The following LARP1B variants were observed in gnomAD, a reference collection of about 807,000 sequenced individuals.
LARP1B encodes la-related protein 1B.
LARP1B carries 76 observed loss-of-function variants against 114.2 expected under a neutral mutation model. That is an observed-to-expected ratio of 0.67 (90% CI 0.55 to 0.81). LARP1B has a LOEUF of 0.81. Among genes scored for constraint, LARP1B ranks in the 30% least tolerant of loss-of-function variants. The pLI is 0.00. For synonymous variants in LARP1B, 345 were observed against 348.0 expected, an observed-to-expected ratio of 0.99 and a Z score of 0.10; for missense variants, 1,014 against 1,075.8, an observed-to-expected ratio of 0.94 and a Z score of 0.80.
At chr4:128,178,289 AT>A in intron 13 of LARP1B, 141 bp from the exon 14 acceptor site, 1 of 608,108 alleles carries the variant, frequency 1.6e-6, no homozygotes, top group Non-Finnish European at 2.8e-6. Context: ...TCAAAAAAGT[AT>A]TTGTTATTTT....
intron 11 of LARP1B, among the ~76,000 whole-genome samples, chr4:128,140,676 G>A (rs1727601163): frequency 1.3e-5 from 2 of 152,056 alleles, no homozygotes; most frequent in Admixed American, 1.3e-4. Context: ...CATTATTCTA[G>A]GAGACATATT....
intron 12 of LARP1B, among the ~76,000 whole-genome samples, chr4:128,174,649 C>T (rs1037091011): frequency 2.6e-5 from 4 of 151,974 alleles, no homozygotes; most frequent in Admixed American, 1.3e-4. Flanking sequence ...AATGAAATCC[C>T]CATGTATCCA....
intron 10 of LARP1B, among the ~76,000 whole-genome samples, chr4:128,119,136 C>T (rs953324679): frequency 1.3e-4 from 20 of 152,224 alleles, no homozygotes; most frequent in South Asian, 4.1e-4. Flanking sequence ...CCACCTGCCT[C>T]GGCCTCCCAA....
chr4:128,079,023 A>T (rs1364678175), intron 4 of LARP1B, among the ~76,000 whole-genome samples: 1 of 152,148 alleles, frequency 6.6e-6, no homozygotes, highest in East Asian at 1.9e-4. Flanking sequence ...ATTTAATGGT[A>T]AAGTTGTTGC....
chr4:128,065,191 G>A (rs969120439), intron 1 of LARP1B, among the ~76,000 whole-genome samples: 11 of 151,284 alleles, frequency 7.3e-5, no homozygotes, highest in Admixed American at 5.3e-4. Context: ...TTTCAGACCT[G>A]GCATAGTGTA....
In LARP1B at chr4:128,155,646, G is replaced by A; in HGVS notation, c.1525-6548G>A. On this transcript the variant is annotated intron_variant, in intron 11 of 19. Coordinates refer to ENST00000326639, the MANE Select transcript of LARP1B (RefSeq NM_018078.4). Reference sequence around the variant, plus strand: ...CCCAGCCAGGAGCCATCCGGGCCCTGGGGCCGCCTCCAGTGGTGTGTCCAA... The same window carrying A: ...CCCAGCCAGGAGCCATCCGGGCCCTAGGGCCGCCTCCAGTGGTGTGTCCAA... 6 of 1,514,076 alleles carry A rather than the reference G, an allele frequency of 4.0e-6. No individual in the cohort carries two copies. In the South Asian group the frequency reaches 6.7e-5, roughly 17 times the overall value. 93.8% of individuals were successfully genotyped at this position (1,514,076 alleles called of 1,614,324 possible). A position where few individuals can be genotyped will look rare whatever the true frequency, so the allele number is the denominator to read the frequency against.
intron 10 of LARP1B, 27 bp downstream of exon 10, chr4:128,114,769 G>C: frequency 1.2e-6 from 2 of 1,606,394 alleles, no homozygotes; most frequent in Non-Finnish European, 8.5e-7. Flanking sequence ...TGAGTGAAGT[G>C]TGACATACCC....
At chr4:128,155,802 T>C (rs1394331066) in intron 11 of LARP1B, 1 of 1,590,188 alleles carries the variant, frequency 6.3e-7, no homozygotes, top group South Asian at 1.1e-5. Flanking sequence ...CGGAGACTGA[T>C]AAACTGGAAG....
At chr4:128,103,750 C>A (rs765167563) in intron 8 of LARP1B, among the ~76,000 whole-genome samples, 4 of 151,910 alleles carry the variant, frequency 2.6e-5, no homozygotes, top group African/African-American at 9.7e-5. Context: ...TTAGTAGAGA[C>A]GGGTTTTTGC....
In LARP1B at chr4:128,095,992, A is replaced by ATTT. The variant is rs71587360; in HGVS notation, c.669-2177_669-2175dup. Among the ~76,000 whole-genome samples, 61 of 125,340 alleles carry ATTT rather than the reference A, an allele frequency of 4.9e-4. 1 individual carries two copies. The highest frequency in any genetic ancestry group is 1.0e-3 in the Admixed American group (12 of 11,468). The allele number at this position is 125,340 out of a possible 152,430, so 82.2% of individuals were successfully genotyped here. A position where few individuals can be genotyped will look rare whatever the true frequency, so the allele number is the denominator to read the frequency against. ...CTCATTTACATATATGGAGGCTATA[A>ATTT]TTTTTTTTTTTTTTTTTTTGAGACG... On this transcript the variant is annotated intron_variant, in intron 7 of 19. Transcript: ENST00000326639.
chr4:128,098,682 G>A (rs950945525), intron 8 of LARP1B, among the ~76,000 whole-genome samples: 9 of 137,528 alleles, frequency 6.5e-5, no homozygotes, highest in South Asian at 2.4e-4. Flanking sequence ...AGAGTACAAC[G>A]GCGCAATCAA....
chr4:128,118,815 T>C (rs1404659372), intron 10 of LARP1B, among the ~76,000 whole-genome samples: 1 of 151,720 alleles, frequency 6.6e-6, no homozygotes, highest in Non-Finnish European at 1.5e-5. Flanking sequence ...TGCATGGTTT[T>C]CTTGTTTGAT....
intron 15 of LARP1B, among the ~76,000 whole-genome samples, chr4:128,183,713 C>T (rs1749356478): frequency 6.6e-6 from 1 of 152,192 alleles, no homozygotes; most frequent in South Asian, 2.1e-4. Context: ...ATAGCTGCCA[C>T]AGCTAGTCAT....
chr4:128,064,170 G>A (rs1761525073), intron 1 of LARP1B, among the ~76,000 whole-genome samples: 1 of 151,434 alleles, frequency 6.6e-6, no homozygotes, highest in East Asian at 1.9e-4. Context: ...TACTCAGGAG[G>A]TTGAGGCAGG....
intron 11 of LARP1B, among the ~76,000 whole-genome samples, chr4:128,131,730 C>G: frequency 6.6e-6 from 1 of 152,086 alleles, no homozygotes. Context: ...AAAAATAATA[C>G]ATAAATTAAA....
rs1041321625 is a variant in LARP1B, at chr4:128,209,903, T to C, written c.2595T>C (p.Ser865=). The C allele has an allele frequency of 6.2e-7, 1 of 1,613,990 alleles. No homozygotes were observed. The highest frequency in any genetic ancestry group is 1.7e-5 in the Admixed American group (1 of 60,012). ...GAAGAAAAAGACATTCCTCTACTTC[T>C]GGTGAGGAGAGTAATCGTCATAGAC... ...EFGRKRHSST[S]GEESNRHRLP... The change falls in exon 20 of 20, where the codon TCT becomes TCC. Residue 865 remains serine (S), a synonymous_variant. Coordinates refer to ENST00000326639, the MANE Select transcript of LARP1B (RefSeq NM_018078.4).
At chr4:128,124,238 G>T (rs1018574645) in intron 11 of LARP1B, among the ~76,000 whole-genome samples, 1 of 152,072 alleles carries the variant, frequency 6.6e-6, no homozygotes. Flanking sequence ...CCCACAATAA[G>T]TACTTAATCA....
At chr4:128,123,516 T>C in intron 11 of LARP1B, 1 of 459,412 alleles carries the variant, frequency 2.2e-6, no homozygotes, top group Non-Finnish European at 2.9e-6. Context: ...TATCATTATC[T>C]ATAATTCTAT....
intron 17 of LARP1B, among the ~76,000 whole-genome samples, chr4:128,204,730 C>G (rs1757076284): frequency 1.3e-5 from 2 of 151,806 alleles, no homozygotes; most frequent in South Asian, 4.2e-4. Context: ...GTTTGTAACT[C>G]AAAGGATAAA....
Sources: gnomAD v4.1 joint callset for allele counts (sites outside exome capture counted in the v4.1 genomes callset) on GRCh38, gnomAD v4.1.1 for gene constraint, MANE v1.5 for transcripts, NCBI Gene and HGNC (gene_info 2026-07-23, HGNC 2026-07-21) for gene names.